LAMA2: variants seen among roughly 807,000 people sequenced by gnomAD.
LAMA2 encodes the protein laminin subunit alpha 2.
LAMA2 carries 269 observed loss-of-function variants against 364.8 expected under a neutral mutation model. The observed-to-expected ratio is 0.74, with a 90% CI of 0.67 to 0.82. LAMA2 has a LOEUF of 0.82. Among genes scored for constraint, LAMA2 ranks in the 40% least tolerant of loss-of-function variants. LAMA2 has a pLI of 0.00. For synonymous variants in LAMA2, 1,379 were observed against 1,370.6 expected (o/e 1.01, Z -0.14); for missense variants, 3,807 against 3,873.2 (o/e 0.98, Z 0.45).
rs1422873320 is a variant in LAMA2 at position 128,929,633 on chromosome 6, A to T, written c.112+46276A>T. 5 of 1,409,488 alleles carry T rather than the reference A, an allele frequency of 3.5e-6. No homozygotes were observed. The African/African-American group carries it at 7.0e-5, about 20-fold the overall frequency. The allele number at this position is 1,409,488 out of a possible 1,614,324, so 87.3% of individuals were successfully genotyped here. ...GCTTCCACGATGCTGACCTGCTCAA[A>T]TATGGAATAGTGATGCGGTCTCGGT... On this transcript the variant is annotated intron_variant, in intron 1 of 64. Transcript: ENST00000421865.
In LAMA2 at chr6:129,365,469, TCTCCTGC is replaced by T. The variant is rs559488119; in HGVS notation, c.4718-746_4718-740del. Among the ~76,000 whole-genome samples the T allele has an allele frequency of 2.6e-5, 4 of 152,196 alleles. No individual in the cohort carries two copies. In the South Asian group the frequency reaches 8.3e-4, roughly 32 times the overall value. The stretch of plus-strand genomic sequence containing the variant: ...CCTCCGCCTCCCAGTTTCAAGTGAT[TCTCCTGC>T]CTCAGCCTTCTGGGTAGCTGAGACT... On this transcript the variant is annotated intron_variant, in intron 32 of 64. Transcript: ENST00000421865.
intron 1 of LAMA2, among the ~76,000 whole-genome samples, chr6:128,888,558 G>GGTAAAGGTTT (rs1207847033): frequency 6.6e-6 from 1 of 152,164 alleles, no homozygotes; most frequent in African/African-American, 2.4e-5. Context: ...GGTAAAGGTT[G>GGTAAAGGTTT]GTAAAGGTTG....
intron 13 of LAMA2, among the ~76,000 whole-genome samples, chr6:129,251,074 C>CTATA (rs1194499275): frequency 1.4e-3 from 82 of 60,514 alleles, no homozygotes; most frequent in South Asian, 2.2e-3. Flanking sequence ...CTCTCTCTCT[C>CTATA]TCTATATATA....
At chr6:128,893,576 G>A (rs1490497069) in intron 1 of LAMA2, among the ~76,000 whole-genome samples, 1 of 151,882 alleles carries the variant, frequency 6.6e-6, no homozygotes, top group East Asian at 1.9e-4. Flanking sequence ...GTATCTGAAA[G>A]TGTACATCAG....
At chr6:129,127,816 A>G (rs1777202710) in intron 4 of LAMA2, among the ~76,000 whole-genome samples, 1 of 151,976 alleles carries the variant, frequency 6.6e-6, no homozygotes, top group Non-Finnish European at 1.5e-5. Context: ...TCTTTTGAGC[A>G]ATGTCTATTC....
At chr6:129,070,224 G>A (rs1268100264) in intron 3 of LAMA2, among the ~76,000 whole-genome samples, 1 of 152,014 alleles carries the variant, frequency 6.6e-6, no homozygotes, top group Admixed American at 6.6e-5. Flanking sequence ...AAAGTGATGT[G>A]TTATAGGCAA....
At chr6:129,282,188 A>G (rs187956550) in intron 18 of LAMA2, among the ~76,000 whole-genome samples, 1 of 152,312 alleles carries the variant, frequency 6.6e-6, no homozygotes, top group East Asian at 1.9e-4. Flanking sequence ...GGAAGCATCC[A>G]TTTGCATGTT....
At chr6:129,255,036 ATT>A (rs56778619) in intron 14 of LAMA2, among the ~76,000 whole-genome samples, 24 of 146,972 alleles carry the variant, frequency 1.6e-4, no homozygotes, top group African/African-American at 5.7e-4. Context: ...GAAATGATGT[ATT>A]TTTTTTTTTC....
intron 41 of LAMA2, among the ~76,000 whole-genome samples, chr6:129,437,190 T>C (rs934330048): frequency 2.0e-5 from 3 of 152,142 alleles, no homozygotes; most frequent in Admixed American, 2.0e-4. Context: ...AATGGGACTA[T>C]GTGGATTTGA....
chr6:128,920,459 A>G (rs1398615463), intron 1 of LAMA2, among the ~76,000 whole-genome samples: 2 of 151,870 alleles, frequency 1.3e-5, no homozygotes, highest in African/African-American at 2.4e-5. Context: ...CCGGTCCCTC[A>G]TGCTCCATTT....
intron 30 of LAMA2, among the ~76,000 whole-genome samples, chr6:129,346,311 T>C (rs991756706): frequency 6.6e-6 from 1 of 152,202 alleles, no homozygotes; most frequent in African/African-American, 2.4e-5. Context: ...AGCAGTCTGC[T>C]CTTGCTATTC....
chr6:128,997,781 C>T lies in LAMA2; in HGVS notation c.113-52137C>T, dbSNP rs535058478. Among the ~76,000 whole-genome samples the T allele has an allele frequency of 9.9e-5, 15 of 151,910 alleles. No homozygotes were observed. In the East Asian group the frequency reaches 2.1e-3, roughly 22 times the overall value. On this transcript the variant is annotated intron_variant, in intron 1 of 64. Transcript: ENST00000421865. ...TTGCACTCCAGCCTGGCCAACAGAG[C>T]GAGACTCTGTCTCAAAAGAAAAAAA...
chr6:129,349,686 T>A (rs565725149), intron 31 of LAMA2, among the ~76,000 whole-genome samples: 108 of 151,572 alleles, frequency 7.1e-4, no homozygotes, highest in Non-Finnish European at 1.4e-3. Flanking sequence ...TAAGAATAAA[T>A]CAATTTTCAA....
rs1167111455 is a variant in LAMA2, at chr6:129,383,176, A to C, written c.5014A>C (p.Asn1672His). 3.1e-6 allele frequency: 5 copies of C among 1,613,852 alleles called. No individual in the cohort carries two copies. Among genetic ancestry groups the C allele is most frequent in the Non-Finnish European group, 4.2e-6 (5 of 1,179,950 alleles). ...EQTGQDAERT[N>H]TRAKSLGEFI... Reference sequence around the variant, plus strand: ...GACCGGACAGGATGCTGAGAGGACCAACACAAGAGCAAAGTCCCTGGGAGA... The same window carrying C: ...GACCGGACAGGATGCTGAGAGGACCCACACAAGAGCAAAGTCCCTGGGAGA... The change falls in exon 35 of 65, where the codon AAC becomes CAC. Residue 1672 changes from asparagine to histidine, a missense_variant. Physicochemically the swap from Asn to His is moderately conservative, Grantham distance 68. This residue lies in a region of LAMA2 where 3,333 missense variants were observed against 3,345.7 expected (regional missense o/e 1.00). Transcript: ENST00000421865.
chr6:128,905,678 C>T (rs1174018459), intron 1 of LAMA2: 2 of 151,102 alleles, frequency 1.3e-5, no homozygotes, highest in South Asian at 2.1e-4. Context: ...TACATGTGCA[C>T]ATTGTGCAGG....
intron 5 of LAMA2, among the ~76,000 whole-genome samples, chr6:129,145,954 C>CTTGGATAAAAAATATTT (rs1237660277): frequency 2.0e-5 from 3 of 151,836 alleles, no homozygotes; most frequent in Non-Finnish European, 4.4e-5. Context: ...TATTTTTATA[C>CTTGGATAAAAAATATTT]TATCCAAACT....
At position 129,514,368 on chromosome 6, in the gene LAMA2, T is replaced by C. The variant is rs1420160775; in HGVS notation, c.8989-5T>C. On this transcript the variant is annotated splice_region_variant and splice_polypyrimidine_tract_variant and intron_variant, in intron 63 of 64. Transcript: ENST00000421865. ...TCTGTGACTGTTCTATTTCCTACTT[T>C]CCAGTTGATGTTTCATGTGGACAAT... is the stretch of plus-strand genomic sequence containing the variant. 6.2e-7 allele frequency: 1 copy of C among 1,603,480 alleles called. No individual in the cohort carries two copies. Among genetic ancestry groups the C allele is most frequent in the Admixed American group, 1.7e-5 (1 of 59,968 alleles).
In LAMA2 at chr6:129,393,042, C is replaced by T. The variant is rs761823344; in HGVS notation, c.5235-3C>T. The T allele has an allele frequency of 6.8e-6, 11 of 1,612,164 alleles. No individual in the cohort carries two copies. Among genetic ancestry groups the T allele is most frequent in the East Asian group, 2.2e-5 (1 of 44,880 alleles). On this transcript the variant is annotated splice_polypyrimidine_tract_variant and splice_region_variant and intron_variant, in intron 36 of 64. Transcript: ENST00000421865. The stretch of plus-strand genomic sequence containing the variant: ...TCTATTATTGGGCTGGGGGTGGTTA[C>T]AGAGCTGCAGAAGCCCTTCTGAAAA...
At chr6:129,439,149 A>G (rs963247231) in intron 42 of LAMA2, among the ~76,000 whole-genome samples, 7 of 152,020 alleles carry the variant, frequency 4.6e-5, no homozygotes, top group African/African-American at 1.7e-4. Flanking sequence ...ACCTATGCAT[A>G]GCCTCCCATA....
Sources: allele counts gnomAD v4.1 joint callset (sites outside exome capture counted in the v4.1 genomes callset), GRCh38; gene constraint gnomAD v4.1.1; regional missense constraint gnomAD v4.1.1; transcripts MANE v1.5; gene names NCBI Gene and HGNC (gene_info 2026-07-23, HGNC 2026-07-21).